SYMPK: variants seen among roughly 807,000 people sequenced by gnomAD.
SYMPK encodes the protein symplekin scaffold protein.
In SYMPK, 49 loss-of-function variants were observed where a neutral mutation model predicts 136.4. The ratio of observed to expected loss-of-function variants is 0.36; its 90% CI spans 0.29 to 0.46. The LOEUF is 0.46. Ranked by LOEUF, SYMPK falls within the 20% of genes least tolerant of loss-of-function variation. The probability of loss-of-function intolerance (pLI) is 1.00; values close to 1 mark genes in which losing one functional copy is unlikely to be tolerated. For synonymous variants in SYMPK, 766 were observed against 713.0 expected (o/e 1.07, Z -1.19); for missense variants, 1,365 against 1,690.0 (o/e 0.81, Z 3.37).
chr19:45,842,348 G>A lies in SYMPK; in HGVS notation c.989C>T (p.Thr330Ile). The change falls in exon 9 of 27, where the codon ACA becomes ATA. Residue 330 changes from threonine to isoleucine, a missense_variant. By Grantham distance (89) the Thr-to-Ile change is moderately conservative. Coordinates refer to ENST00000245934, the MANE Select transcript of SYMPK (RefSeq NM_004819.3). Reference protein sequence around the residue: ...QITTLLVDLGTPQAEIARNMP... With the variant: ...QITTLLVDLGIPQAEIARNMP... Reference sequence around the variant, plus strand: ...GTTGCGGGCGATCTCGGCCTGAGGTGTGCCCAGGTCCACCAGCAGGGTGGT... The same window carrying A: ...GTTGCGGGCGATCTCGGCCTGAGGTATGCCCAGGTCCACCAGCAGGGTGGT... The A allele has an allele frequency of 1.2e-6, 2 of 1,614,202 alleles. No individual in the cohort carries two copies. The highest frequency in any genetic ancestry group is 1.7e-6 in the Non-Finnish European group (2 of 1,180,028).
intron 16 of SYMPK, 98 bp downstream of exon 16, chr19:45,827,412 G>A: frequency 1.3e-6 from 1 of 790,290 alleles, no homozygotes; most frequent in Non-Finnish European, 2.2e-6. Flanking sequence ...AGAGAAACTT[G>A]CAAGGGAGTG....
Position 45,831,375 on chromosome 19 carries a change from A to G in SYMPK, c.1598+9T>C. ...CCTGTCCTGCCCTAGCACCCAGAAG[A>G]GGACTCACCGGGGCTGAGTGACAGG... On this transcript the variant is annotated intron_variant, in intron 12 of 26. Transcript: ENST00000245934. 1 of 1,535,772 alleles carries G rather than the reference A, an allele frequency of 6.5e-7. No homozygotes were observed. Among genetic ancestry groups the G allele is most frequent in the Non-Finnish European group, 8.8e-7 (1 of 1,138,812 alleles).
intron 23 of SYMPK, among the ~76,000 whole-genome samples, chr19:45,817,538 C>T (rs1239989289): frequency 1.3e-5 from 2 of 149,884 alleles, no homozygotes; most frequent in Non-Finnish European, 3.0e-5. Context: ...CTCAAGCAGT[C>T]CTCCTGTCTC....
chr19:45,826,269 G>A lies in SYMPK; in HGVS notation c.2286C>T (p.His762=). The A allele has an allele frequency of 6.2e-7, 1 of 1,613,584 alleles. No individual in the cohort carries two copies. Among genetic ancestry groups the A allele is most frequent in the Non-Finnish European group, 8.5e-7 (1 of 1,179,810 alleles). Reference sequence around the variant, plus strand: ...CAAACAGCACAGACGGTGGGTTGGGGTGCACCAGGAGCTGCAGGTAGTTGA... The same window carrying A: ...CAAACAGCACAGACGGTGGGTTGGGATGCACCAGGAGCTGCAGGTAGTTGA... The part of the protein sequence containing the change: ...FALNYLQLLV[H]PNPPSVLFGA... Residue 762 remains histidine, a synonymous_variant, in exon 17 of 27, where the codon CAC becomes CAT. Transcript: ENST00000245934.
At chr19:45,846,200 C>T (rs995267314) in intron 7 of SYMPK, among the ~76,000 whole-genome samples, 2 of 152,214 alleles carry the variant, frequency 1.3e-5, no homozygotes, top group African/African-American at 4.8e-5. Context: ...AGCGCTACTG[C>T]ACTCCAGCCT....
At chr19:45,832,735 C>T (rs1234179521) in intron 11 of SYMPK, among the ~76,000 whole-genome samples, 4 of 151,532 alleles carry the variant, frequency 2.6e-5, no homozygotes, top group African/African-American at 9.7e-5. Context: ...GCAGGCTGGG[C>T]GTGGTGGCTC....
At position 45,827,524 on chromosome 19, in the gene SYMPK, G is replaced by A; in HGVS notation, c.2167C>T (p.His723Tyr). ...GAGGGGATCACCTTGTCCTTCTCAT[G>A]GGAGCTGAGGTCGAGGAGGACATGC... Reference protein sequence around the residue: ...YLHVLLDLSSHEKDKVRSQAL... With the variant: ...YLHVLLDLSSYEKDKVRSQAL... The change falls in exon 16 of 27, where the codon CAT becomes TAT. Residue 723 changes from histidine to tyrosine, a missense_variant. Physicochemically the swap from His to Tyr is moderately conservative, Grantham distance 83 (BLOSUM62 2). This residue lies in a region of SYMPK where 303 missense variants were observed against 326.6 expected (regional missense o/e 0.93). Coordinates refer to ENST00000245934, the MANE Select transcript of SYMPK (RefSeq NM_004819.3). The A allele has an allele frequency of 6.2e-7, 1 of 1,613,744 alleles. No individual in the cohort carries two copies. Among genetic ancestry groups the A allele is most frequent in the Non-Finnish European group, 8.5e-7 (1 of 1,179,672 alleles).
intron 7 of SYMPK, among the ~76,000 whole-genome samples, chr19:45,846,238 A>G (rs1971557341): frequency 6.6e-6 from 1 of 152,226 alleles, no homozygotes; most frequent in South Asian, 2.1e-4. Flanking sequence ...TCCGTCTCAA[A>G]AAATAAAAGT....
chr19:45,840,688 C>G (rs1971413308), intron 9 of SYMPK, among the ~76,000 whole-genome samples: 2 of 149,782 alleles, frequency 1.3e-5, no homozygotes, highest in African/African-American at 4.9e-5. Context: ...CAAACAAATA[C>G]AAAAATTAGC....
chr19:45,829,228 T>C (rs748283112), intron 13 of SYMPK, 23 bp from the exon 14 acceptor site: 93 of 1,606,178 alleles, frequency 5.8e-5, no homozygotes, highest in Non-Finnish European at 7.8e-5. Flanking sequence ...TGAGCCAGCA[T>C]GTCAGTGTAG....
At chr19:45,838,042 C>T (rs888732553) in intron 10 of SYMPK, among the ~76,000 whole-genome samples, 15 of 152,006 alleles carry the variant, frequency 9.9e-5, no homozygotes, top group African/African-American at 3.6e-4. Flanking sequence ...TTACAATCCC[C>T]GATGTGGGAG....
At chr19:45,846,453 A>G (rs1971562794) in intron 7 of SYMPK, among the ~76,000 whole-genome samples, 1 of 152,178 alleles carries the variant, frequency 6.6e-6, no homozygotes, top group African/African-American at 2.4e-5. Flanking sequence ...TAATACACCA[A>G]ATGCTCATAC....
At chr19:45,861,734 C>G (rs1045146309) in intron 1 of SYMPK, among the ~76,000 whole-genome samples, 11 of 141,348 alleles carry the variant, frequency 7.8e-5, no homozygotes, top group African/African-American at 2.8e-4. Context: ...GAGACTCTGT[C>G]TCAAAAAAAA....
At chr19:45,823,533 G>A in intron 19 of SYMPK, 61 bp from the exon 20 acceptor site, 2 of 1,515,890 alleles carry the variant, frequency 1.3e-6, no homozygotes, top group Non-Finnish European at 1.8e-6. Flanking sequence ...GAAAGGGTGG[G>A]CACCCAGGAA....
intron 22 of SYMPK, 45 bp from the exon 23 acceptor site, chr19:45,818,191 C>T (rs1341286435): frequency 4.7e-6 from 7 of 1,484,308 alleles, no homozygotes; most frequent in Non-Finnish European, 6.3e-6. Flanking sequence ...GCCCAGCTGC[C>T]CCCTGGGAGG....
chr19:45,827,480 G>A (rs371621583), intron 16 of SYMPK, 30 bp downstream of exon 16: 5 of 1,549,460 alleles, frequency 3.2e-6, no homozygotes. Flanking sequence ...TGCAGGCTGA[G>A]GGCAGCCAGG....
At chr19:45,854,697 G>C in intron 1 of SYMPK, 190 bp from the exon 2 acceptor site, 1 of 567,456 alleles carries the variant, frequency 1.8e-6, no homozygotes, top group Non-Finnish European at 3.2e-6. Flanking sequence ...CACGGGGCCT[G>C]TAACTTGGGG....
intron 11 of SYMPK, 29 bp downstream of exon 11, chr19:45,835,049 G>A (rs1171692186): frequency 2.7e-6 from 4 of 1,493,204 alleles, no homozygotes; most frequent in African/African-American, 1.4e-5. Context: ...GCCAATCCCT[G>A]GCCCAGGTTA....
intron 10 of SYMPK, among the ~76,000 whole-genome samples, chr19:45,838,026 G>A (rs1971344678): frequency 6.6e-6 from 1 of 152,120 alleles, no homozygotes; most frequent in African/African-American, 2.4e-5. Context: ...CGAATCTCAT[G>A]TTGAATTACA....
Sources: gnomAD v4.1 joint callset for allele counts (sites outside exome capture counted in the v4.1 genomes callset) on GRCh38, gnomAD v4.1.1 for gene constraint, gnomAD v4.1.1 regional missense constraint, MANE v1.5 for transcripts, NCBI Gene and HGNC (gene_info 2026-07-23, HGNC 2026-07-21) for gene names.